Variants in CERS6 observed in about 807,000 individuals in gnomAD.
CERS6 encodes the protein ceramide synthase 6.
Under a neutral mutation model 56.8 loss-of-function variants are expected in CERS6, and 26 were observed. That is an observed-to-expected ratio of 0.46 (90% CI 0.34 to 0.63). CERS6 has a LOEUF of 0.63. CERS6 is among the 30% of genes least tolerant of loss of function. The probability of loss-of-function intolerance (pLI) is 0.01; values close to 1 mark genes in which losing one functional copy is unlikely to be tolerated. For missense variants in CERS6, 415 were observed against 467.5 expected, an observed-to-expected ratio of 0.89 and a Z score of 1.04; for synonymous variants, 164 against 173.3, an observed-to-expected ratio of 0.95 and a Z score of 0.42.
chr2:168,714,389 C>A (rs901148615), intron 6 of CERS6, among the ~76,000 whole-genome samples: 13 of 152,172 alleles, frequency 8.5e-5, no homozygotes, highest in African/African-American at 3.1e-4. Context: ...TTTCCTCTGA[C>A]CTTAACCTAC....
chr2:168,760,762 A>T (rs3067012), intron 8 of CERS6, among the ~76,000 whole-genome samples: 100 of 125,890 alleles, frequency 7.9e-4, no homozygotes, highest in African/African-American at 2.3e-3. Context: ...TTATTTATTT[A>T]TTTATTTTTT....
At chr2:168,571,694 AATGGG>A (rs1489682437) in intron 3 of CERS6, among the ~76,000 whole-genome samples, 1 of 152,156 alleles carries the variant, frequency 6.6e-6, no homozygotes, top group Non-Finnish European at 1.5e-5. Context: ...TAGGTACATA[AATGGG>A]TATATGTATT....
intron 3 of CERS6, among the ~76,000 whole-genome samples, chr2:168,591,520 A>G (rs1683669573): frequency 6.6e-6 from 1 of 152,358 alleles, no homozygotes; most frequent in South Asian, 2.1e-4. Flanking sequence ...TGTTTACACA[A>G]TCATTAGTTT....
chr2:168,502,928 C>G (rs143360769), intron 1 of CERS6, among the ~76,000 whole-genome samples: 1 of 152,144 alleles, frequency 6.6e-6, no homozygotes, highest in African/African-American at 2.4e-5. Context: ...AAAGTCCATG[C>G]AGGGTGAGAG....
rs866625007 is a variant in CERS6 at position 168,765,298 on chromosome 2, G to A, written c.846-294G>A. On this transcript the variant is annotated intron_variant, in intron 8 of 9. Transcript: ENST00000305747. ...TGAATGTACTTAAAGCCAGTGAACCGTACACTTAAAAAAGTCAAGATGGTA... is the reference window on the plus strand; with the variant it reads ...TGAATGTACTTAAAGCCAGTGAACCATACACTTAAAAAAGTCAAGATGGTA... 4.8e-4 allele frequency among the ~76,000 whole-genome samples: 73 copies of A among 152,232 alleles called. 1 individual carries two copies. The highest frequency in any genetic ancestry group is 1.6e-3 in the Admixed American group (24 of 15,304).
chr2:168,640,172 G>A (rs1031350447), intron 4 of CERS6, among the ~76,000 whole-genome samples: 5 of 152,150 alleles, frequency 3.3e-5, no homozygotes, highest in East Asian at 3.8e-4. Context: ...CAATGTTCTC[G>A]ATATGGATAG....
At chr2:168,611,433 TA>T (rs1684185259) in intron 3 of CERS6, among the ~76,000 whole-genome samples, 1 of 152,246 alleles carries the variant, frequency 6.6e-6, no homozygotes, top group African/African-American at 2.4e-5. Context: ...AGACTCAGTT[TA>T]AAGGTCTTAC....
intron 8 of CERS6, among the ~76,000 whole-genome samples, chr2:168,738,711 C>T (rs1269544607): frequency 6.6e-6 from 1 of 152,038 alleles, no homozygotes; most frequent in Admixed American, 6.6e-5. Flanking sequence ...AAATGTAAAT[C>T]GTAAAAAGCT....
At chr2:168,756,480 G>T (rs902368315) in intron 8 of CERS6, among the ~76,000 whole-genome samples, 6 of 152,234 alleles carry the variant, frequency 3.9e-5, no homozygotes, top group African/African-American at 1.2e-4. Flanking sequence ...AGACAATTCT[G>T]TTGGGATTTA....
At chr2:168,537,184 G>A (rs1239270372) in intron 1 of CERS6, among the ~76,000 whole-genome samples, 2 of 152,156 alleles carry the variant, frequency 1.3e-5, no homozygotes, top group Admixed American at 6.5e-5. Context: ...TAAAGAAAGA[G>A]CAAAGTGTAA....
intron 9 of CERS6, among the ~76,000 whole-genome samples, chr2:168,767,897 G>A (rs1008436125): frequency 6.6e-6 from 1 of 152,188 alleles, no homozygotes; most frequent in Non-Finnish European, 1.5e-5. Flanking sequence ...TTCCTATGAA[G>A]GGAGGCCACC....
intron 4 of CERS6, among the ~76,000 whole-genome samples, chr2:168,634,730 A>G (rs766264150): frequency 6.6e-6 from 1 of 152,218 alleles, no homozygotes; most frequent in Non-Finnish European, 1.5e-5. Flanking sequence ...TACATTTTGT[A>G]TCACAATTCA....
intron 1 of CERS6, among the ~76,000 whole-genome samples, chr2:168,530,558 G>A (rs1695148702): frequency 6.6e-6 from 1 of 152,126 alleles, no homozygotes; most frequent in Admixed American, 6.5e-5. Context: ...AGGAACATAT[G>A]TTTCATTGTT....
At chr2:168,634,484 C>T (rs1318958511) in intron 4 of CERS6, among the ~76,000 whole-genome samples, 1 of 152,144 alleles carries the variant, frequency 6.6e-6, no homozygotes, top group Non-Finnish European at 1.5e-5. Context: ...GCAATCTTGG[C>T]CCACTGCAAC....
chr2:168,564,922 C>T (rs1695858141), intron 3 of CERS6, among the ~76,000 whole-genome samples: 1 of 152,200 alleles, frequency 6.6e-6, no homozygotes, highest in South Asian at 2.1e-4. Context: ...CATTTCTCAA[C>T]AGGACTCTGC....
chr2:168,509,237 G>A (rs1694734356), intron 1 of CERS6, among the ~76,000 whole-genome samples: 1 of 152,168 alleles, frequency 6.6e-6, no homozygotes, highest in South Asian at 2.1e-4. Context: ...CCAAAATGAT[G>A]TATCCTGAAT....
In CERS6 at chr2:168,456,296, G is replaced by A; in HGVS notation, c.-153G>A. The A allele has an allele frequency of 3.6e-6, 1 of 277,182 alleles. No homozygotes were observed. Among genetic ancestry groups the A allele is most frequent in the South Asian group, 1.3e-4 (1 of 7,670 alleles). The allele number at this position is 277,182 out of a possible 1,614,324, so 17.2% of individuals were successfully genotyped here. On this transcript the variant is annotated 5_prime_UTR_variant, in exon 1 of 10. Coordinates refer to ENST00000305747, the MANE Select transcript of CERS6 (RefSeq NM_203463.3). The surrounding 1 kb of genome is among the most constrained non-coding windows in gnomAD (Gnocchi z 4.1). Reference sequence around the variant, plus strand: ...CGGGGCTCGCCGCGAGCCTTCGAGAGCAGCGGCCGCGGAGGAGGCGGCGGC... The same window carrying A: ...CGGGGCTCGCCGCGAGCCTTCGAGAACAGCGGCCGCGGAGGAGGCGGCGGC...
At chr2:168,733,000 G>A (rs951129016) in intron 8 of CERS6, among the ~76,000 whole-genome samples, 1 of 152,122 alleles carries the variant, frequency 6.6e-6, no homozygotes, top group Non-Finnish European at 1.5e-5. Context: ...GCCGAGTTGT[G>A]CTTAATATGA....
intron 4 of CERS6, among the ~76,000 whole-genome samples, chr2:168,678,238 T>C (rs1686115921): frequency 6.6e-6 from 1 of 152,172 alleles, no homozygotes; most frequent in African/African-American, 2.4e-5. Flanking sequence ...CCTTCCTAAA[T>C]TGGATTCAGG....
Sources: gnomAD v4.1 joint callset for allele counts (sites outside exome capture counted in the v4.1 genomes callset) on GRCh38, gnomAD v4.1.1 for gene constraint, Gnocchi (gnomAD v3.1) non-coding constraint, MANE v1.5 for transcripts, NCBI Gene and HGNC (gene_info 2026-07-23, HGNC 2026-07-21) for gene names.